KHSRP: variants seen among roughly 807,000 people sequenced by gnomAD.
KHSRP encodes far upstream element-binding protein 2.
A neutral mutation model predicts 94.9 loss-of-function variants in KHSRP; 13 were observed. The observed-to-expected ratio is 0.14, with a 90% CI of 0.09 to 0.22. The LOEUF (loss-of-function observed/expected upper bound fraction) is 0.22, where lower values mean the gene tolerates loss of function less well. KHSRP is among the 10% of genes least tolerant of loss of function. The pLI, the probability that KHSRP is intolerant of heterozygous loss-of-function variation, is 1.00. For synonymous variants in KHSRP, 495 were observed against 401.4 expected (o/e 1.23, Z -2.79); for missense variants, 710 against 1,010.0 (o/e 0.70, Z 4.03).
chr19:6,421,214 C>A (rs1013432683), intron 4 of KHSRP, 64 bp downstream of exon 4: 21 of 1,475,058 alleles, frequency 1.4e-5, no homozygotes, highest in Non-Finnish European at 1.9e-5. Flanking sequence ...CCTCCCAAGT[C>A]AGCAGAAAGG....
chr19:6,424,367 T>TGCGC (rs888935149), intron 1 of KHSRP, 86 bp downstream of exon 1: 14 of 623,094 alleles, frequency 2.2e-5, no homozygotes, highest in South Asian at 7.1e-5. Context: ...TCCGCGACCC[T>TGCGC]GCGCGCGCGC....
At chr19:6,420,011 A>C (rs2092185546) in intron 6 of KHSRP, 62 bp downstream of exon 6, 2 of 1,279,692 alleles carry the variant, frequency 1.6e-6, no homozygotes, top group Admixed American at 3.7e-5. Flanking sequence ...TAAGTAATTA[A>C]AGGAAAGTGC....
Position 6,421,183 on chromosome 19 carries a change from A to C in KHSRP, c.425+95T>G, listed in dbSNP as rs2092192835. 3.5e-6 allele frequency: 4 copies of C among 1,147,916 alleles called. 1 individual carries two copies. The South Asian group carries it at 5.5e-5, about 16-fold the overall frequency. 71.1% of individuals were successfully genotyped at this position (1,147,916 alleles called of 1,614,324 possible). On this transcript the variant is annotated intron_variant, in intron 4 of 18. Transcript: ENST00000600480. The stretch of plus-strand genomic sequence containing the variant: ...CTGGCACTGGGGGATAAAACCTGAG[A>C]GATGTGCCCCCAGTCAGAGCCCTCC...
Position 6,424,402 on chromosome 19 carries a change from C to T in KHSRP, c.249+51G>A, listed in dbSNP as rs1035792871. 41 of 958,722 alleles carry T rather than the reference C, an allele frequency of 4.3e-5. No homozygotes were observed. In the African/African-American group the frequency reaches 5.0e-4, roughly 12 times the overall value. The allele number at this position is 958,722 out of a possible 1,614,324, so 59.4% of individuals were successfully genotyped here. ...CGCGCACGTGACCCCCGCCCCCTCCCCCGCCTGCGCGCGCGCGCGAGCGCG... is the reference window on the plus strand; with the variant it reads ...CGCGCACGTGACCCCCGCCCCCTCCTCCGCCTGCGCGCGCGCGCGAGCGCG... On this transcript the variant is annotated intron_variant, in intron 1 of 18. Coordinates refer to ENST00000600480, the MANE Select transcript of KHSRP (RefSeq NM_001366299.1).
Position 6,416,874 on chromosome 19 carries a change from G to C in KHSRP, c.1191C>G (p.Pro397=). The change falls in exon 13 of 19, where the codon CCC becomes CCG. Residue 397 remains proline, a synonymous_variant. Coordinates refer to ENST00000600480, the MANE Select transcript of KHSRP (RefSeq NM_001366299.1). ...TGCCTGGACCCCCTGGAGGACCTGGGGGACCACTCTGCAAGACAAGAGGAG... is the reference window on the plus strand; with the variant it reads ...TGCCTGGACCCCCTGGAGGACCTGGCGGACCACTCTGCAAGACAAGAGGAG... ...NDLLQSLRSG[P]PGPPGGPGMP... is the part of the protein sequence containing the mutation. 6.2e-7 allele frequency: 1 copy of C among 1,610,404 alleles called. No individual in the cohort carries two copies. Among genetic ancestry groups the C allele is most frequent in the Non-Finnish European group, 8.5e-7 (1 of 1,178,516 alleles).
In KHSRP at chr19:6,416,421, G is replaced by C; in HGVS notation, c.1489-14C>G. ...GCAGAGAGGACCCTAGAAGGAAGGA[G>C]AGTAACCAAGGTAAGTGGGCTGGGA... On this transcript the variant is annotated splice_polypyrimidine_tract_variant and intron_variant, in intron 14 of 18. Transcript: ENST00000600480. 1 of 1,613,172 alleles carries C rather than the reference G, an allele frequency of 6.2e-7. No individual in the cohort carries two copies. The highest frequency in any genetic ancestry group is 8.5e-7 in the Non-Finnish European group (1 of 1,179,494).
rs1316935796 is a variant in KHSRP at position 6,413,653 on chromosome 19, TTTTTAAAAGTTTA to T, written c.*1358_*1370del. ...TAGCAAGAGTGACTTTTTTTTTTCC[TTTTTAAAAGTTTA>T]TTTTAAAAACAAGAGGGCCGAGGGT... is the stretch of plus-strand genomic sequence containing the variant. On this transcript the variant is annotated 3_prime_UTR_variant, in exon 19 of 19. Transcript: ENST00000600480. The T allele has an allele frequency of 3.6e-5, 6 of 164,790 alleles. No homozygotes were observed. Among genetic ancestry groups the T allele is most frequent in the Non-Finnish European group, 8.1e-5 (6 of 74,406 alleles). The allele number at this position is 164,790 out of a possible 1,614,324, so 10.2% of individuals were successfully genotyped here. A position where few individuals can be genotyped will look rare whatever the true frequency, so the allele number is the denominator to read the frequency against.
Position 6,415,189 on chromosome 19 carries a change from T to C in KHSRP, c.2079A>G (p.Pro693=), listed in dbSNP as rs1474434535. Residue 693 remains proline, a synonymous_variant, in exon 19 of 19, where the codon CCA becomes CCG. Coordinates refer to ENST00000600480, the MANE Select transcript of KHSRP (RefSeq NM_001366299.1). ...RQQAAYYGQT[P]GPGGPQPPPT... ...GCGGCGGCTGGGGGCCGCCAGGACCTGGGGTCTGTCCGTAGTAAGCGGCCT... is the reference window on the plus strand; with the variant it reads ...GCGGCGGCTGGGGGCCGCCAGGACCCGGGGTCTGTCCGTAGTAAGCGGCCT... The C allele has an allele frequency of 1.2e-6, 2 of 1,611,134 alleles. No homozygotes were observed. Among genetic ancestry groups the C allele is most frequent in the Non-Finnish European group, 1.7e-6 (2 of 1,179,680 alleles).
In KHSRP at chr19:6,418,657, T is replaced by G. The variant is rs1401362624; in HGVS notation, c.780+45A>C. ...GGCTGCTGTGGTGGTGGCGGTGGGGTGTGGCACACGGATGCAGAGGAAGCT... is the reference window on the plus strand; with the variant it reads ...GGCTGCTGTGGTGGTGGCGGTGGGGGGTGGCACACGGATGCAGAGGAAGCT... On this transcript the variant is annotated intron_variant, in intron 8 of 18. Transcript: ENST00000600480. This position sits in a 1 kb window ranked among gnomAD's most constrained non-coding sequence, Gnocchi z 4.3. 6.2e-7 allele frequency: 1 copy of G among 1,613,044 alleles called. No homozygotes were observed. Among genetic ancestry groups the G allele is most frequent in the Non-Finnish European group, 8.5e-7 (1 of 1,179,340 alleles).
Position 6,416,862 on chromosome 19 carries a change from T to C in KHSRP, c.1203A>G (p.Pro401=), listed in dbSNP as rs780861274. Residue 401 remains proline (P), a synonymous_variant, in exon 13 of 19, where the codon CCA becomes CCG. Coordinates refer to ENST00000600480, the MANE Select transcript of KHSRP (RefSeq NM_001366299.1). ...QSLRSGPPGP[P]GGPGMPPGGR... Reference sequence around the variant, plus strand: ...CCCCCGGGGGCATGCCTGGACCCCCTGGAGGACCTGGGGGACCACTCTGCA... The same window carrying C: ...CCCCCGGGGGCATGCCTGGACCCCCCGGAGGACCTGGGGGACCACTCTGCA... The C allele has an allele frequency of 6.2e-7, 1 of 1,607,436 alleles. No individual in the cohort carries two copies. The highest frequency in any genetic ancestry group is 1.1e-5 in the South Asian group (1 of 90,592).
intron 2 of KHSRP, among the ~76,000 whole-genome samples, chr19:6,422,125 C>T (rs1216588823): frequency 1.3e-5 from 2 of 152,226 alleles, no homozygotes; most frequent in Non-Finnish European, 2.9e-5. Flanking sequence ...GAACTTACAA[C>T]TTCGACCCAG....
At chr19:6,419,370 C>T in intron 6 of KHSRP, 110 bp from the exon 7 acceptor site, 1 of 900,092 alleles carries the variant, frequency 1.1e-6, no homozygotes, top group East Asian at 2.8e-5. Context: ...CTGTCCCATT[C>T]AGTGCCTGAC....
In KHSRP at chr19:6,415,106, A is replaced by G; in HGVS notation, c.2162T>C (p.Phe721Ser). Residue 721 changes from phenylalanine (F) to serine (S), a missense_variant, in exon 19 of 19, where the codon TTC becomes TCC. Around this residue, in one of 5 missense-constraint regions of KHSRP, gnomAD observed 292 missense variants for 340.5 expected, o/e 0.86. Transcript: ENST00000600480. ...GACGGTGGCCGGGGGTTGGAAGGAG[A>G]AAGGAGGAGGAGGAGGGTGGCAATT... is the stretch of plus-strand genomic sequence containing the variant. ...SGNCHPPPPP[F>S]SFQPPATVHP... The G allele has an allele frequency of 6.3e-7, 1 of 1,595,160 alleles. No homozygotes were observed. The highest frequency in any genetic ancestry group is 8.5e-7 in the Non-Finnish European group (1 of 1,177,602).
rs894368176 is a variant in KHSRP at position 6,414,366 on chromosome 19, CGCGGAGG to C, written c.*651_*657del. 3 of 1,352,506 alleles carry C rather than the reference CGCGGAGG, an allele frequency of 2.2e-6. No homozygotes were observed. Among genetic ancestry groups the C allele is most frequent in the Non-Finnish European group, 2.9e-6 (3 of 1,049,724 alleles). 83.8% of individuals were successfully genotyped at this position (1,352,506 alleles called of 1,614,324 possible). A position where few individuals can be genotyped will look rare whatever the true frequency, so the allele number is the denominator to read the frequency against. On this transcript the variant is annotated 3_prime_UTR_variant, in exon 19 of 19. Transcript: ENST00000600480. ...CAGAGCAGGAAGAGAGGAGAGGGGC[CGCGGAGG>C]GCGGAGGCGCTAGGGTCGTAGGGGA...
In KHSRP at chr19:6,414,162, G is replaced by A. The variant is rs968125243; in HGVS notation, c.*862C>T. ...GATAGGAATTGGTCACTACGGGGAG[G>A]GAAGGGTGGGAGACTAGGGGGCGGA... On this transcript the variant is annotated 3_prime_UTR_variant, in exon 19 of 19. Coordinates refer to ENST00000600480, the MANE Select transcript of KHSRP (RefSeq NM_001366299.1). The A allele has an allele frequency of 5.6e-6, 9 of 1,597,854 alleles. No homozygotes were observed. In the African/African-American group the frequency reaches 8.1e-5, roughly 14 times the overall value.
Position 6,420,118 on chromosome 19 carries a change from T to C in KHSRP, c.502A>G (p.Asn168Asp). 1 of 1,613,608 alleles carries C rather than the reference T, an allele frequency of 6.2e-7. No individual in the cohort carries two copies. Among genetic ancestry groups the C allele is most frequent in the East Asian group, 2.2e-5 (1 of 44,886 alleles). Reference protein sequence around the residue: ...LIIGRGGEQINKIQQDSGCKV... With the variant: ...LIIGRGGEQIDKIQQDSGCKV... ...CAGCCTGAATCCTGTTGGATTTTGT[T>C]AATTTGTTCACCTCCTCTGCCAATG... The change falls in exon 6 of 19, where the codon AAC becomes GAC. Residue 168 changes from asparagine (N) to aspartate (D), a missense_variant. By Grantham distance (23) the Asn-to-Asp change is conservative. Transcript: ENST00000600480.
intron 2 of KHSRP, 62 bp downstream of exon 2, chr19:6,422,278 A>G: frequency 8.6e-7 from 1 of 1,157,660 alleles, no homozygotes; most frequent in South Asian, 1.2e-5. Context: ...ACACTCAAAC[A>G]AAAGCACCTC....
intron 4 of KHSRP, 68 bp downstream of exon 4, chr19:6,421,210 A>C (rs927608950): frequency 1.4e-6 from 2 of 1,447,310 alleles, no homozygotes; most frequent in Non-Finnish European, 1.9e-6. Flanking sequence ...GAGCCCTCCC[A>C]AGTCAGCAGA....
At chr19:6,421,874 C>T (rs1219323433) in intron 2 of KHSRP, among the ~76,000 whole-genome samples, 186 bp from the exon 3 acceptor site, 2 of 152,224 alleles carry the variant, frequency 1.3e-5, no homozygotes, top group Admixed American at 1.3e-4. Context: ...CCGCCACCAA[C>T]GCTCAGAGTA....
Sources: gnomAD v4.1 joint callset for allele counts (sites outside exome capture counted in the v4.1 genomes callset) on GRCh38, gnomAD v4.1.1 for gene constraint, gnomAD v4.1.1 regional missense constraint, Gnocchi (gnomAD v3.1) non-coding constraint, MANE v1.5 for transcripts, NCBI Gene and HGNC (gene_info 2026-07-23, HGNC 2026-07-21) for gene names.